The following TSHZ2 variants were observed in gnomAD, a reference collection of about 807,000 sequenced individuals.
TSHZ2 encodes teashirt zinc finger homeobox 2.
Under a neutral mutation model 74.4 loss-of-function variants are expected in TSHZ2, and 21 were observed. The observed-to-expected ratio is 0.28, with a 90% CI of 0.20 to 0.41. The LOEUF is 0.41. Among genes scored for constraint, TSHZ2 ranks in the 10% least tolerant of loss-of-function variants. The pLI, the probability that TSHZ2 is intolerant of heterozygous loss-of-function variation, is 1.00. For synonymous variants in TSHZ2, 540 were observed against 515.3 expected (o/e 1.05, Z -0.65); for missense variants, 1,244 against 1,293.5 (o/e 0.96, Z 0.59).
intron 1 of TSHZ2, chr20:53,208,633 T>C (rs758314717): frequency 2.0e-5 from 3 of 152,154 alleles, no homozygotes; most frequent in Non-Finnish European, 4.4e-5. Context: ...ACTTGGACTT[T>C]CTCATTTAAG....
At position 53,292,272 on chromosome 20, in the gene TSHZ2, C is replaced by T. The variant is rs192869592; in HGVS notation, c.*8+35701C>T. ...ACAGGGGTAGAGAGTTAATCTGAGACCATCTGTGCCTTAAACTTCCACACT... is the reference window on the plus strand; with the variant it reads ...ACAGGGGTAGAGAGTTAATCTGAGATCATCTGTGCCTTAAACTTCCACACT... On this transcript the variant is annotated intron_variant, in intron 2 of 2. Coordinates refer to ENST00000371497, the MANE Select transcript of TSHZ2 (RefSeq NM_173485.6). Among the ~76,000 whole-genome samples the T allele has an allele frequency of 1.3e-3, 195 of 152,190 alleles. 1 individual carries two copies. Among genetic ancestry groups the T allele is most frequent in the African/African-American group, 4.5e-3 (187 of 41,526 alleles).
At chr20:53,461,222 G>A (rs868775662) in intron 2 of TSHZ2, among the ~76,000 whole-genome samples, 4 of 151,912 alleles carry the variant, frequency 2.6e-5, no homozygotes, top group East Asian at 1.9e-4. Context: ...CTCCGAGCCA[G>A]GTGCGGGATA....
chr20:53,249,037 C>T (rs192156437), intron 1 of TSHZ2, among the ~76,000 whole-genome samples: 3,708 of 151,696 alleles, frequency 0.024, 71 homozygotes, highest in Middle Eastern at 0.055. Flanking sequence ...AACTGGGTTT[C>T]ACCATGTTGG....
intron 2 of TSHZ2, among the ~76,000 whole-genome samples, chr20:53,371,756 G>C (rs1328776300): frequency 6.6e-6 from 1 of 151,726 alleles, no homozygotes; most frequent in Non-Finnish European, 1.5e-5. Context: ...CATGCCTGTA[G>C]TCCCAGCTAC....
chr20:53,469,029 C>A (rs1985652673), intron 2 of TSHZ2, among the ~76,000 whole-genome samples: 1 of 97,916 alleles, frequency 1.0e-5, no homozygotes, highest in African/African-American at 3.3e-5. Context: ...AACCTAAAGG[C>A]TCTGAAATCG....
intron 2 of TSHZ2, among the ~76,000 whole-genome samples, chr20:53,308,386 C>A (rs2145495342): frequency 6.6e-6 from 1 of 152,106 alleles, no homozygotes; most frequent in East Asian, 1.9e-4. Context: ...TGTAATCCTG[C>A]CGTGTTGAAA....
At chr20:53,258,905 T>A (rs2123734694) in intron 2 of TSHZ2, among the ~76,000 whole-genome samples, 1 of 152,262 alleles carries the variant, frequency 6.6e-6, no homozygotes, top group African/African-American at 2.4e-5. Flanking sequence ...CATGGGCGTG[T>A]ATGTATGTTT....
At chr20:53,072,335 G>T (rs1985202555) in intron 1 of TSHZ2, among the ~76,000 whole-genome samples, 1 of 152,160 alleles carries the variant, frequency 6.6e-6, no homozygotes, top group African/African-American at 2.4e-5. Context: ...TATCTTCAGG[G>T]TATACCACAA....
intron 1 of TSHZ2, among the ~76,000 whole-genome samples, chr20:53,251,710 A>G (rs1990335698): frequency 6.6e-6 from 1 of 152,248 alleles, no homozygotes; most frequent in Non-Finnish European, 1.5e-5. Context: ...CTGAATTTAT[A>G]CATTTCATCT....
In TSHZ2 at chr20:53,050,117, A is replaced by ACACATACATATATATATGTG. The variant is rs1568736233; in HGVS notation, c.40+76784_40+76785insCACATACATATATATATGTG. ...TGTATATGTGTGTATATATATATAT[A>ACACATACATATATATATGTG]TATATATACACATATATATATGTGT... is the stretch of plus-strand genomic sequence containing the variant. On this transcript the variant is annotated intron_variant, in intron 1 of 2. Coordinates refer to ENST00000371497, the MANE Select transcript of TSHZ2 (RefSeq NM_173485.6). Among the ~76,000 whole-genome samples the ACACATACATATATATATGTG allele has an allele frequency of 7.2e-5, 7 of 97,660 alleles. No homozygotes were observed. The East Asian group carries it at 1.1e-3, about 16-fold the overall frequency. The allele number at this position is 97,660 out of a possible 152,430, so 64.1% of individuals were successfully genotyped here.
chr20:53,166,068 G>A (rs949098214), intron 1 of TSHZ2, among the ~76,000 whole-genome samples: 2 of 152,156 alleles, frequency 1.3e-5, no homozygotes, highest in African/African-American at 2.4e-5. Context: ...ACTAATACAA[G>A]TTGAAGATTT....
At chr20:53,244,581 G>C (rs1270478909) in intron 1 of TSHZ2, among the ~76,000 whole-genome samples, 3 of 152,126 alleles carry the variant, frequency 2.0e-5, no homozygotes, top group African/African-American at 7.2e-5. Context: ...TTGTCACCAA[G>C]ACACGTCGCA....
At chr20:53,070,531 T>C (rs1985136938) in intron 1 of TSHZ2, among the ~76,000 whole-genome samples, 1 of 152,208 alleles carries the variant, frequency 6.6e-6, no homozygotes, top group African/African-American at 2.4e-5. Context: ...TTATTTACAA[T>C]TTAAAATGTA....
chr20:53,287,827 G>C (rs1991198013), intron 2 of TSHZ2, among the ~76,000 whole-genome samples: 1 of 152,040 alleles, frequency 6.6e-6, no homozygotes, highest in South Asian at 2.1e-4. Flanking sequence ...TGAATTTCTT[G>C]AGTTTTTAAA....
At chr20:53,213,637 CTCTT>C (rs1989365019) in intron 1 of TSHZ2, among the ~76,000 whole-genome samples, 1 of 151,580 alleles carries the variant, frequency 6.6e-6, no homozygotes, top group African/African-American at 2.4e-5. Flanking sequence ...GAAACAACCT[CTCTT>C]TCTTTGGTGA....
intron 1 of TSHZ2, among the ~76,000 whole-genome samples, chr20:53,187,687 C>A (rs898338098): frequency 7.0e-6 from 1 of 141,930 alleles, no homozygotes; most frequent in East Asian, 2.2e-4. Flanking sequence ...TTGAAAAGTT[C>A]TCAGTGCTGT....
At chr20:53,185,824 GT>G in intron 1 of TSHZ2, 1 of 1,039,580 alleles carries the variant, frequency 9.6e-7, no homozygotes, top group Middle Eastern at 2.1e-4. Flanking sequence ...ATTTAATTGA[GT>G]TTTTAAATGA....
chr20:53,011,199 A>G (rs1982838128), intron 1 of TSHZ2, among the ~76,000 whole-genome samples: 1 of 152,174 alleles, frequency 6.6e-6, no homozygotes, highest in Non-Finnish European at 1.5e-5. Context: ...GTTTTAAGTT[A>G]TTGAGCTAAG....
At position 53,051,091 on chromosome 20, in the gene TSHZ2, C is replaced by T. The variant is rs930144114; in HGVS notation, c.40+77758C>T. 3.3e-5 allele frequency among the ~76,000 whole-genome samples: 5 copies of T among 152,192 alleles called. 1 individual carries two copies. Among genetic ancestry groups the T allele is most frequent in the African/African-American group, 1.2e-4 (5 of 41,444 alleles). On this transcript the variant is annotated intron_variant, in intron 1 of 2. Transcript: ENST00000371497. ...TGGTGGCTGACTCCTGTAATCCCAA[C>T]ACTTTGGGAGGCTGAGGTGAGCAGA...
Sources: allele counts gnomAD v4.1 joint callset (sites outside exome capture counted in the v4.1 genomes callset), GRCh38; gene constraint gnomAD v4.1.1; transcripts MANE v1.5; gene names NCBI Gene and HGNC (gene_info 2026-07-23, HGNC 2026-07-21).